The following TRAPPC9 variants were observed in gnomAD, a reference collection of about 807,000 sequenced individuals.
TRAPPC9 encodes IKK2 binding protein.
In TRAPPC9, 83 loss-of-function variants were observed where a neutral mutation model predicts 124.0. The observed-to-expected ratio is 0.67, with a 90% CI of 0.56 to 0.80. TRAPPC9 has a LOEUF of 0.80. Among genes scored for constraint, TRAPPC9 ranks in the 30% least tolerant of loss-of-function variants. The pLI, the probability that TRAPPC9 is intolerant of heterozygous loss-of-function variation, is 0.00. For missense variants in TRAPPC9, 1,302 were observed against 1,508.3 expected (o/e 0.86, Z 2.27); for synonymous variants, 638 against 617.5 (o/e 1.03, Z -0.49).
At chr8:140,102,867 C>T (rs535348727) in intron 17 of TRAPPC9, among the ~76,000 whole-genome samples, 1 of 152,172 alleles carries the variant, frequency 6.6e-6, no homozygotes, top group Non-Finnish European at 1.5e-5. Context: ...CCCCACTGAG[C>T]GAGGGGCTGG....
At chr8:139,893,048 C>G (rs550141165) in intron 20 of TRAPPC9, among the ~76,000 whole-genome samples, 1 of 152,174 alleles carries the variant, frequency 6.6e-6, no homozygotes, top group Non-Finnish European at 1.5e-5. Flanking sequence ...CTTACTGATG[C>G]TACAGGCCCT....
intron 11 of TRAPPC9, 116 bp from the exon 12 acceptor site, chr8:140,291,194 A>G: frequency 1.1e-6 from 1 of 936,202 alleles, no homozygotes; most frequent in Non-Finnish European, 1.7e-6. Flanking sequence ...AGCAGGCTCT[A>G]TGATCTTCTT....
chr8:140,018,637 T>C (rs1159056138), intron 18 of TRAPPC9, among the ~76,000 whole-genome samples: 1 of 152,208 alleles, frequency 6.6e-6, no homozygotes, highest in African/African-American at 2.4e-5. Context: ...ACATAAGTGA[T>C]TTTTAAATAT....
chr8:139,915,298 G>A (rs1832050227), intron 19 of TRAPPC9, among the ~76,000 whole-genome samples: 1 of 152,170 alleles, frequency 6.6e-6, no homozygotes, highest in South Asian at 2.1e-4. Context: ...CCAGGCTGGA[G>A]TACAGTGGTG....
intron 15 of TRAPPC9, among the ~76,000 whole-genome samples, chr8:140,258,217 G>A (rs2064315239): frequency 6.6e-6 from 1 of 152,246 alleles, no homozygotes; most frequent in African/African-American, 2.4e-5. Context: ...GACACGGCCT[G>A]AGGGAGCAGG....
At chr8:140,428,115 C>T (rs894625118) in intron 4 of TRAPPC9, among the ~76,000 whole-genome samples, 6 of 152,104 alleles carry the variant, frequency 3.9e-5, no homozygotes, top group South Asian at 2.1e-4. Flanking sequence ...AACCTAGAAA[C>T]GTTTTGTTCT....
chr8:140,340,647 T>C lies in TRAPPC9; in HGVS notation c.1495+19403A>G, dbSNP rs145926383. 4.8e-3 allele frequency among the ~76,000 whole-genome samples: 729 copies of C among 152,300 alleles called. 9 individuals carry two copies. The highest frequency in any genetic ancestry group is 0.017 in the African/African-American group (712 of 41,540). Reference sequence around the variant, plus strand: ...GTCAGTAAATTGTCAAAGGTCACATTTGATAAAGTACATGAGCCAGGATAC... The same window carrying C: ...GTCAGTAAATTGTCAAAGGTCACATCTGATAAAGTACATGAGCCAGGATAC... On this transcript the variant is annotated intron_variant, in intron 9 of 22. Transcript: ENST00000438773.
At chr8:140,011,740 C>T (rs187739668) in intron 18 of TRAPPC9, among the ~76,000 whole-genome samples, 217 of 144,302 alleles carry the variant, frequency 1.5e-3, no homozygotes, top group African/African-American at 5.4e-3. Flanking sequence ...TGCAATGGCA[C>T]GATCTCGGCT....
At chr8:140,064,631 G>A (rs2129675395) in intron 17 of TRAPPC9, among the ~76,000 whole-genome samples, 1 of 152,306 alleles carries the variant, frequency 6.6e-6, no homozygotes, top group East Asian at 1.9e-4. Context: ...TTAAATGCTG[G>A]AGGGCTAAGT....
chr8:140,342,630 G>C (rs1588180146), intron 9 of TRAPPC9, among the ~76,000 whole-genome samples: 1 of 152,046 alleles, frequency 6.6e-6, no homozygotes, highest in African/African-American at 2.4e-5. Flanking sequence ...TTGTAACACA[G>C]CAATGCAGAT....
At chr8:140,061,490 C>T (rs557323338) in intron 17 of TRAPPC9, among the ~76,000 whole-genome samples, 3 of 152,282 alleles carry the variant, frequency 2.0e-5, no homozygotes, top group Admixed American at 6.5e-5. Flanking sequence ...GCACAGGCCA[C>T]GGCACAGTGA....
Position 140,024,109 on chromosome 8 carries a change from C to G in TRAPPC9, c.2557-30G>C, listed in dbSNP as rs771702038. Reference sequence around the variant, plus strand: ...AAGATATTAAAAAAAAAAATACACACACACACATTAGTAACTCTCTAGTTT... The same window carrying G: ...AAGATATTAAAAAAAAAAATACACAGACACACATTAGTAACTCTCTAGTTT... On this transcript the variant is annotated intron_variant, in intron 17 of 22. Coordinates refer to ENST00000438773, the MANE Select transcript of TRAPPC9 (RefSeq NM_001160372.4). 2.2e-5 allele frequency: 36 copies of G among 1,609,494 alleles called. No homozygotes were observed. The Admixed American group carries it at 5.8e-4, about 26-fold the overall frequency.
In TRAPPC9 at chr8:140,283,915, T is replaced by C; in HGVS notation, c.2088A>G (p.Arg696=). The part of the protein sequence containing the change: ...STVEVIPALP[R]LQISTSLPRS... Reference sequence around the variant, plus strand: ...TGGGCAGAGAGGTGCTGATCTGCAGTCTTGGCAACGCGGGAATGACTTCCA... The same window carrying C: ...TGGGCAGAGAGGTGCTGATCTGCAGCCTTGGCAACGCGGGAATGACTTCCA... Residue 696 remains arginine, a synonymous_variant, in exon 14 of 23, where the codon AGA becomes AGG. Transcript: ENST00000438773. The C allele has an allele frequency of 6.2e-7, 1 of 1,614,096 alleles. No homozygotes were observed. The highest frequency in any genetic ancestry group is 8.5e-7 in the Non-Finnish European group (1 of 1,180,016).
intron 17 of TRAPPC9, among the ~76,000 whole-genome samples, chr8:140,084,837 A>T (rs1844083254): frequency 6.6e-6 from 1 of 152,228 alleles, no homozygotes; most frequent in Non-Finnish European, 1.5e-5. Flanking sequence ...AGTGCCAGCC[A>T]CAGGGCTAAG....
chr8:139,905,295 G>T (rs1192988744), intron 20 of TRAPPC9, among the ~76,000 whole-genome samples: 1 of 152,222 alleles, frequency 6.6e-6, no homozygotes, highest in African/African-American at 2.4e-5. Flanking sequence ...ATGTGGGCAA[G>T]AAAGCCTAGG....
At chr8:139,979,379 C>T (rs1165595629) in intron 19 of TRAPPC9, among the ~76,000 whole-genome samples, 2 of 152,192 alleles carry the variant, frequency 1.3e-5, no homozygotes. Context: ...GTCTCTAGCC[C>T]AGCACAGGCC....
chr8:140,156,297 T>C (rs2061629511), intron 17 of TRAPPC9, among the ~76,000 whole-genome samples: 1 of 152,228 alleles, frequency 6.6e-6, no homozygotes, highest in Non-Finnish European at 1.5e-5. Context: ...AACCTGGACA[T>C]TCACTAGTTA....
chr8:140,203,018 C>T (rs2062829842), intron 17 of TRAPPC9, among the ~76,000 whole-genome samples: 1 of 152,144 alleles, frequency 6.6e-6, no homozygotes, highest in African/African-American at 2.4e-5. Flanking sequence ...GTGGTGCTAG[C>T]TGAAAACAAA....
At chr8:140,311,222 T>C in intron 10 of TRAPPC9, 26 bp downstream of exon 10, 1 of 1,607,038 alleles carries the variant, frequency 6.2e-7, no homozygotes, top group Non-Finnish European at 8.5e-7. Flanking sequence ...GCAGCTGCCT[T>C]TCCGGCTCTG....
Sources: gnomAD v4.1 joint callset for allele counts (sites outside exome capture counted in the v4.1 genomes callset) on GRCh38, gnomAD v4.1.1 for gene constraint, MANE v1.5 for transcripts, NCBI Gene and HGNC (gene_info 2026-07-23, HGNC 2026-07-21) for gene names.